COL12A1: variants seen among roughly 807,000 people sequenced by gnomAD.
COL12A1 encodes the protein collagen alpha-1(XII) chain.
Under a neutral mutation model 349.7 loss-of-function variants are expected in COL12A1, and 114 were observed. The observed-to-expected ratio is 0.33, with a 90% CI of 0.28 to 0.38. The LOEUF is 0.38. Ranked by LOEUF, COL12A1 falls within the 10% of genes least tolerant of loss-of-function variation. COL12A1 has a pLI of 1.00. For synonymous variants in COL12A1, 1,369 were observed against 1,329.0 expected (o/e 1.03, Z -0.66); for missense variants, 3,284 against 3,756.9 (o/e 0.87, Z 3.29).
intron 5 of COL12A1, 103 bp from the exon 6 acceptor site, chr6:75,189,918 T>A: frequency 1.6e-6 from 2 of 1,224,948 alleles, no homozygotes; most frequent in South Asian, 3.0e-5. Flanking sequence ...ATTCTGTTCA[T>A]TAGAACATAT....
At chr6:75,121,561 A>C in intron 43 of COL12A1, 120 bp from the exon 44 acceptor site, 2 of 1,182,548 alleles carry the variant, frequency 1.7e-6, no homozygotes, top group Non-Finnish European at 2.3e-6. Context: ...CTGCAGCAAC[A>C]GCACTGCCTG....
chr6:75,103,270 CTTCATAAAATA>C (rs1406510357), intron 55 of COL12A1, among the ~76,000 whole-genome samples: 7 of 152,182 alleles, frequency 4.6e-5, no homozygotes, highest in Non-Finnish European at 8.8e-5. Flanking sequence ...TACACATTAT[CTTCATAAAATA>C]TTCCCCTGAG....
chr6:75,182,327 A>G (rs886711945), intron 10 of COL12A1, among the ~76,000 whole-genome samples: 1 of 152,002 alleles, frequency 6.6e-6, no homozygotes, highest in African/African-American at 2.4e-5. Context: ...CGTCATCTAC[A>G]TTAGGTATTT....
chr6:75,098,853 T>G (rs540185657), intron 58 of COL12A1, among the ~76,000 whole-genome samples: 1 of 152,296 alleles, frequency 6.6e-6, no homozygotes, highest in Admixed American at 6.5e-5. Context: ...CTCTGGCTCG[T>G]GCGCCCACAT....
chr6:75,202,022 C>T (rs1291300342), intron 2 of COL12A1, among the ~76,000 whole-genome samples: 1 of 152,192 alleles, frequency 6.6e-6, no homozygotes, highest in African/African-American at 2.4e-5. Flanking sequence ...AGGCTGGAAA[C>T]CTTGGCCCAG....
chr6:75,102,469 G>A, intron 56 of COL12A1, 128 bp downstream of exon 56: 1 of 588,578 alleles, frequency 1.7e-6, no homozygotes, highest in Admixed American at 4.1e-5. Flanking sequence ...CATAGAGGCT[G>A]CTATCTCGGT....
intron 13 of COL12A1, among the ~76,000 whole-genome samples, chr6:75,172,665 T>A (rs940862581): frequency 1.3e-5 from 2 of 152,198 alleles, no homozygotes; most frequent in African/African-American, 4.8e-5. Context: ...ATTGTAAAGA[T>A]CACAAGCTTT....
chr6:75,151,922 A>C lies in COL12A1; in HGVS notation c.3945T>G (p.Asp1315Glu). 1.9e-6 allele frequency: 3 copies of C among 1,613,836 alleles called. No individual in the cohort carries two copies. The highest frequency in any genetic ancestry group is 2.5e-6 in the Non-Finnish European group (3 of 1,179,822). ...TGAGTTTCTTTGAAGGTGCTTCAAC[A>C]TCGTCTTGTGATTTTCCATCAGTAA... ...VLITDGKSQD[D>E]VEAPSKKLKD... The change falls in exon 20 of 66, where the codon GAT becomes GAG. Residue 1315 changes from aspartate (D) to glutamate (E), a missense_variant. Physicochemically the swap from Asp to Glu is conservative, Grantham distance 45. This residue lies in a region of COL12A1 where 2,601 missense variants were observed against 2,824.8 expected (regional missense o/e 0.92). Coordinates refer to ENST00000322507, the MANE Select transcript of COL12A1 (RefSeq NM_004370.6).
At position 75,113,307 on chromosome 6, in the gene COL12A1, C is replaced by T; in HGVS notation, c.7847G>A (p.Ser2616Asn). The T allele has an allele frequency of 6.5e-7, 1 of 1,543,858 alleles. No individual in the cohort carries two copies. Among genetic ancestry groups the T allele is most frequent in the Non-Finnish European group, 8.7e-7 (1 of 1,148,650 alleles). ...CTTGTTAAAGAATGATAACGTCTTG[C>T]TAGAAGCTGTAATCAACATAAAAGT... ...PQVGVIADPS[S>N]KTLSFFNKDT... Residue 2616 changes from serine (S) to asparagine (N), a missense_variant, in exon 51 of 66, where the codon AGC (serine) becomes AAC (asparagine). Ser to Asn is a conservative substitution (Grantham distance 46). Around this residue, in one of 2 missense-constraint regions of COL12A1, gnomAD observed 683 missense variants for 932.1 expected, o/e 0.73. Transcript: ENST00000322507.
intron 35 of COL12A1, 73 bp from the exon 36 acceptor site, chr6:75,131,054 C>T: frequency 1.9e-6 from 3 of 1,578,496 alleles, no homozygotes; most frequent in Non-Finnish European, 2.6e-6. Context: ...TTAGTCATCA[C>T]AATAGTATTT....
intron 8 of COL12A1, among the ~76,000 whole-genome samples, chr6:75,187,834 A>G (rs1769715297): frequency 6.6e-6 from 1 of 152,152 alleles, no homozygotes; most frequent in Non-Finnish European, 1.5e-5. Context: ...TAGAAGTAAT[A>G]ACTAATAGAA....
At position 75,102,686 on chromosome 6, in the gene COL12A1, G is replaced by A. The variant is rs749445433; in HGVS notation, c.8326C>T (p.Pro2776Ser). 3.2e-6 allele frequency: 5 copies of A among 1,544,532 alleles called. No homozygotes were observed. The highest frequency in any genetic ancestry group is 4.9e-5 in the East Asian group (2 of 41,144). The stretch of plus-strand genomic sequence containing the variant: ...GGACCTATGTCTCCACGAGGACCAG[G>A]GGGCCCCTAAAATACACAAGAGAGA... ...ERGISGAIGPPGPRGDIGPPG... is the reference protein window; with the variant it reads ...ERGISGAIGPSGPRGDIGPPG... The change falls in exon 56 of 66, where the codon CCT (proline) becomes TCT (serine). Residue 2776 changes from proline to serine, a missense_variant. This residue lies in a region of COL12A1 where 683 missense variants were observed against 932.1 expected (regional missense o/e 0.73). Transcript: ENST00000322507.
intron 13 of COL12A1, among the ~76,000 whole-genome samples, chr6:75,166,279 T>G (rs1346883985): frequency 6.6e-6 from 1 of 152,214 alleles, no homozygotes; most frequent in Non-Finnish European, 1.5e-5. Context: ...CTTACAAAAC[T>G]TAATGCCAAC....
At position 75,134,727 on chromosome 6, in the gene COL12A1, G is replaced by T. The variant is rs1239470849; in HGVS notation, c.5523C>A (p.Thr1841=). 3.1e-6 allele frequency: 5 copies of T among 1,602,420 alleles called. No homozygotes were observed. The highest frequency in any genetic ancestry group is 3.3e-4 in the Middle Eastern group (2 of 6,026). ...TATAGGAACTCAGGTTTCACTTACT[G>T]GTCTTGCCTCTTCCCGTCATCCGAC... The part of the protein sequence containing the change: ...EGGRMTGRGK[T]KPLNTVRNLR... The change falls in exon 32 of 66, where the codon ACC becomes ACA. Residue 1841 remains threonine (T), a splice_region_variant and synonymous_variant. Coordinates refer to ENST00000322507, the MANE Select transcript of COL12A1 (RefSeq NM_004370.6).
Position 75,087,572 on chromosome 6 carries a change from C to T in COL12A1, c.9181+5G>A, listed in dbSNP as rs758519964. 1 of 1,613,592 alleles carries T rather than the reference C, an allele frequency of 6.2e-7. No individual in the cohort carries two copies. The highest frequency in any genetic ancestry group is 8.5e-7 in the Non-Finnish European group (1 of 1,179,798). ...GTTGGGGTTCCTACAATGGCAACAA[C>T]GTACCTGGATAGCCTTGCCCGTTGT... On this transcript the variant is annotated splice_donor_5th_base_variant and intron_variant, in intron 65 of 65. Coordinates refer to ENST00000322507, the MANE Select transcript of COL12A1 (RefSeq NM_004370.6).
chr6:75,163,515 G>C (rs1768127404), intron 14 of COL12A1, among the ~76,000 whole-genome samples: 1 of 151,848 alleles, frequency 6.6e-6, no homozygotes, highest in African/African-American at 2.4e-5. Context: ...CCTGTAGTAG[G>C]GTAGGGGGCT....
At position 75,137,502 on chromosome 6, in the gene COL12A1, T is replaced by C. The variant is rs2149394263; in HGVS notation, c.5329A>G (p.Ser1777Gly). Residue 1777 changes from serine to glycine, a missense_variant, in exon 31 of 66, where the codon AGT becomes GGT. Transcript: ENST00000322507. ...NSLTVKWDPA[S>G]GRVQKYRITY... ...ATCCTATATTTCTGCACACGACCAC[T>C]AGCAGGATCCCACTTAACAGTCAGG... The C allele has an allele frequency of 6.2e-7, 1 of 1,613,880 alleles. No individual in the cohort carries two copies. The highest frequency in any genetic ancestry group is 1.6e-4 in the Middle Eastern group (1 of 6,062).
chr6:75,124,965 T>G (rs1765940636), intron 40 of COL12A1, among the ~76,000 whole-genome samples, 162 bp downstream of exon 40: 1 of 152,188 alleles, frequency 6.6e-6, no homozygotes. Context: ...ATTATAATAT[T>G]TATGTATTTG....
intron 15 of COL12A1, 107 bp from the exon 16 acceptor site, chr6:75,155,961 C>G: frequency 8.5e-7 from 1 of 1,177,624 alleles, no homozygotes; most frequent in Non-Finnish European, 1.2e-6. Flanking sequence ...GGTTTAAGTC[C>G]GGTAGCACAA....
Sources: allele counts gnomAD v4.1 joint callset (sites outside exome capture counted in the v4.1 genomes callset), GRCh38; gene constraint gnomAD v4.1.1; regional missense constraint gnomAD v4.1.1; transcripts MANE v1.5; gene names NCBI Gene and HGNC (gene_info 2026-07-23, HGNC 2026-07-21).